TMBIM6: variants seen among roughly 807,000 people sequenced by gnomAD.
TMBIM6 encodes transmembrane BAX inhibitor motif containing 6, also known as bax inhibitor 1.
Under a neutral mutation model 31.4 loss-of-function variants are expected in TMBIM6, and 13 were observed. That is an observed-to-expected ratio of 0.41 (90% CI 0.27 to 0.66). The LOEUF is 0.66. Among genes scored for constraint, TMBIM6 ranks in the 30% least tolerant of loss-of-function variants. The pLI is 0.28. For missense variants in TMBIM6, 275 were observed against 289.5 expected (o/e 0.95, Z 0.36); for synonymous variants, 85 against 101.7 (o/e 0.84, Z 0.99).
intron 1 of TMBIM6, chr12:49,742,005 C>A: frequency 1.5e-6 from 2 of 1,334,872 alleles, no homozygotes; most frequent in East Asian, 2.5e-5. Context: ...CAGAGCACGT[C>A]CTTCCGAGGT....
At chr12:49,750,456 A>ACC (rs1293189074) in intron 1 of TMBIM6, among the ~76,000 whole-genome samples, 2 of 152,120 alleles carry the variant, frequency 1.3e-5, no homozygotes, top group Non-Finnish European at 2.9e-5. Flanking sequence ...TTAATGGGAA[A>ACC]CCTTAAACAA....
intron 2 of TMBIM6, 59 bp from the exon 3 acceptor site, chr12:49,752,914 T>C: frequency 6.8e-7 from 1 of 1,471,330 alleles, no homozygotes; most frequent in South Asian, 1.2e-5. Context: ...ATGATTCTTC[T>C]TAGCTTAAAT....
intron 1 of TMBIM6, chr12:49,742,541 T>C (rs1353677212): frequency 5.6e-6 from 2 of 356,070 alleles, no homozygotes; most frequent in Admixed American, 8.7e-5. Flanking sequence ...TTCTAGCAAC[T>C]TGTGAATGTG....
chr12:49,747,214 G>A (rs2136931933), intron 1 of TMBIM6, among the ~76,000 whole-genome samples: 2 of 152,262 alleles, frequency 1.3e-5, no homozygotes, highest in East Asian at 3.9e-4. Context: ...TGGGAACAAG[G>A]TTCAGGATGG....
At chr12:49,755,336 C>T (rs547144348) in intron 3 of TMBIM6, among the ~76,000 whole-genome samples, 115 of 152,146 alleles carry the variant, frequency 7.6e-4, no homozygotes, top group Middle Eastern at 3.4e-3. Context: ...TTCATTCATC[C>T]TTTCTATTTT....
intron 9 of TMBIM6, 130 bp from the exon 10 acceptor site, chr12:49,762,743 A>G (rs1188979005): frequency 4.5e-6 from 4 of 882,924 alleles, no homozygotes; most frequent in East Asian, 5.0e-5. Flanking sequence ...TTGCTGAGCT[A>G]AGGAAGCATT....
intron 1 of TMBIM6, among the ~76,000 whole-genome samples, chr12:49,748,014 C>T (rs1945428144): frequency 6.6e-6 from 1 of 152,184 alleles, no homozygotes; most frequent in Non-Finnish European, 1.5e-5. Context: ...AGCGATTCTC[C>T]TGCCTCAGCC....
In TMBIM6 at chr12:49,759,228, T is replaced by C. The variant is rs1945666196; in HGVS notation, c.521T>C (p.Leu174Pro). The C allele has an allele frequency of 1.2e-6, 2 of 1,613,938 alleles. No homozygotes were observed. Among genetic ancestry groups the C allele is most frequent in the Non-Finnish European group, 1.7e-6 (2 of 1,179,922 alleles). Reference protein sequence around the residue: ...FGSIWLFQANLYVGLVVMCGF... With the variant: ...FGSIWLFQANPYVGLVVMCGF... The stretch of plus-strand genomic sequence containing the variant: ...ATCTCTTACATTTGTTAGGCAAACC[T>C]GTATGTGGGACTGGTGGTCATGTGT... The change falls in exon 8 of 10, where the codon CTG becomes CCG. Residue 174 changes from leucine to proline, a missense_variant. By Grantham distance (98) the Leu-to-Pro change is moderately conservative. Transcript: ENST00000267115.
chr12:49,747,687 TAATTA>T (rs1383061670), intron 1 of TMBIM6, among the ~76,000 whole-genome samples: 4 of 152,226 alleles, frequency 2.6e-5, no homozygotes, highest in African/African-American at 4.8e-5. Flanking sequence ...AACTGATATT[TAATTA>T]AATGTGCGAA....
At position 49,760,111 on chromosome 12, in the gene TMBIM6, CA is replaced by C. The variant is rs796352103; in HGVS notation, c.614+809del. Among the ~76,000 whole-genome samples, 619 of 83,528 alleles carry C rather than the reference CA, an allele frequency of 7.4e-3. 1 individual carries two copies. Among genetic ancestry groups the C allele is most frequent in the South Asian group, 0.025 (56 of 2,246 alleles). 54.8% of individuals were successfully genotyped at this position (83,528 alleles called of 152,430 possible). A position where few individuals can be genotyped will look rare whatever the true frequency, so the allele number is the denominator to read the frequency against. ...TGGACGACAGAGCGAGACTCCTTCT[CA>C]AAAAAAAAAAAAAAAAAAGTGTTGG... On this transcript the variant is annotated intron_variant, in intron 8 of 9. Coordinates refer to ENST00000267115, the MANE Select transcript of TMBIM6 (RefSeq NM_003217.3).
chr12:49,751,524 A>C (rs1945493798), intron 1 of TMBIM6, among the ~76,000 whole-genome samples: 1 of 152,148 alleles, frequency 6.6e-6, no homozygotes, highest in South Asian at 2.1e-4. Flanking sequence ...AATACCCCCC[A>C]AAAAATCCTC....
At chr12:49,742,906 A>G (rs191926389) in intron 1 of TMBIM6, among the ~76,000 whole-genome samples, 54 of 151,958 alleles carry the variant, frequency 3.6e-4, no homozygotes, top group Middle Eastern at 3.4e-3. Context: ...GAGAAATACA[A>G]TCTGTACTTT....
intron 4 of TMBIM6, among the ~76,000 whole-genome samples, chr12:49,756,646 T>C (rs576053606): frequency 9.3e-5 from 14 of 151,014 alleles, no homozygotes; most frequent in Admixed American, 7.3e-4. Context: ...AGGATGGTCT[T>C]GATCTCCTGA....
intron 4 of TMBIM6, 87 bp downstream of exon 4, chr12:49,755,842 T>C (rs1945581231): frequency 1.4e-6 from 2 of 1,475,922 alleles, no homozygotes; most frequent in Admixed American, 2.2e-5. Flanking sequence ...TTTTTCTTTT[T>C]TTTTTTTTTG....
chr12:49,758,217 T>C lies in TMBIM6; in HGVS notation c.287-10T>C, dbSNP rs748806000. The C allele has an allele frequency of 3.7e-6, 6 of 1,614,228 alleles. No individual in the cohort carries two copies. The South Asian group carries it at 5.5e-5, about 15-fold the overall frequency. On this transcript the variant is annotated splice_polypyrimidine_tract_variant and intron_variant, in intron 4 of 9. Transcript: ENST00000267115. ...TCGTAATACTGTGTTCTGGGTTTTC[T>C]GTTTTCTAGGAGTTGGCCTGGGCCC...
Position 49,755,741 on chromosome 12 carries a change from T to A in TMBIM6, c.272T>A (p.Phe91Tyr). 6.2e-7 allele frequency: 1 copy of A among 1,614,092 alleles called. No individual in the cohort carries two copies. The highest frequency in any genetic ancestry group is 8.5e-7 in the Non-Finnish European group (1 of 1,179,986). Residue 91 changes from phenylalanine to tyrosine, a missense_variant, in exon 4 of 10, where the codon TTT becomes TAT. Coordinates refer to ENST00000267115, the MANE Select transcript of TMBIM6 (RefSeq NM_003217.3). Reference sequence around the variant, plus strand: ...AAAAGACTGGGACTTCTTGCTGGATTTGCATTCCTTACAGGTACGTTAAGG... The same window carrying A: ...AAAAGACTGGGACTTCTTGCTGGATATGCATTCCTTACAGGTACGTTAAGG... ...EQKRLGLLAG[F>Y]AFLTGVGLGP...
chr12:49,756,829 C>G (rs564385856), intron 4 of TMBIM6, among the ~76,000 whole-genome samples: 1 of 152,150 alleles, frequency 6.6e-6, no homozygotes, highest in South Asian at 2.1e-4. Flanking sequence ...CTCCACCTCC[C>G]AGGTTCAAGC....
At chr12:49,757,816 G>A (rs940304152) in intron 4 of TMBIM6, among the ~76,000 whole-genome samples, 6 of 152,178 alleles carry the variant, frequency 3.9e-5, no homozygotes, top group African/African-American at 1.4e-4. Flanking sequence ...GCTACAAAGG[G>A]GAGTCAGTCC....
intron 8 of TMBIM6, among the ~76,000 whole-genome samples, chr12:49,759,584 C>G (rs1034293770): frequency 6.6e-5 from 10 of 152,012 alleles, no homozygotes; most frequent in African/African-American, 4.8e-5. Context: ...GCCACTGGAT[C>G]GCTTGAGCTC....
Sources: gnomAD v4.1 joint callset for allele counts (sites outside exome capture counted in the v4.1 genomes callset) on GRCh38, gnomAD v4.1.1 for gene constraint, MANE v1.5 for transcripts, NCBI Gene and HGNC (gene_info 2026-07-23, HGNC 2026-07-21) for gene names.